The following PRKCA variants were observed in gnomAD, a reference collection of about 807,000 sequenced individuals.
PRKCA encodes protein kinase C alpha type.
A neutral mutation model predicts 87.0 loss-of-function variants in PRKCA; 27 were observed. The ratio of observed to expected loss-of-function variants is 0.31; its 90% CI spans 0.23 to 0.43. The LOEUF is 0.43. PRKCA is among the 20% of genes least tolerant of loss of function. PRKCA has a pLI of 1.00. For missense variants in PRKCA, 518 were observed against 852.3 expected (o/e 0.61, Z 4.88); for synonymous variants, 329 against 311.1 (o/e 1.06, Z -0.61).
At chr17:66,762,987 C>T (rs1035758248) in intron 13 of PRKCA, among the ~76,000 whole-genome samples, 101 of 152,218 alleles carry the variant, frequency 6.6e-4, no homozygotes, top group Admixed American at 1.9e-3. Context: ...GACAGAGTTT[C>T]ACCATGTTGG....
chr17:66,785,145 A>G (rs1975347657), intron 14 of PRKCA, among the ~76,000 whole-genome samples: 1 of 152,044 alleles, frequency 6.6e-6, no homozygotes, highest in African/African-American at 2.4e-5. Context: ...CTCTCTGTAG[A>G]CTTGGCATCT....
At chr17:66,324,447 C>CAAAAAAAA (rs61047065) in intron 2 of PRKCA, among the ~76,000 whole-genome samples, 1 of 90,658 alleles carries the variant, frequency 1.1e-5, no homozygotes, top group African/African-American at 4.3e-5. Flanking sequence ...ACTAAAAATA[C>CAAAAAAAA]AAAAAAAAAA....
At chr17:66,662,713 C>T (rs1388636775) in intron 5 of PRKCA, among the ~76,000 whole-genome samples, 2 of 151,506 alleles carry the variant, frequency 1.3e-5, no homozygotes, top group African/African-American at 2.4e-5. Context: ...GTGAAAATCT[C>T]GTAGGCCTGG....
intron 2 of PRKCA, among the ~76,000 whole-genome samples, chr17:66,452,075 A>T (rs961402742): frequency 1.3e-5 from 2 of 152,194 alleles, no homozygotes; most frequent in Non-Finnish European, 2.9e-5. Flanking sequence ...GAAGCCGTGT[A>T]TGGCCCCTCC....
intron 3 of PRKCA, among the ~76,000 whole-genome samples, chr17:66,500,858 G>A (rs1916695456): frequency 1.3e-5 from 2 of 152,154 alleles, no homozygotes; most frequent in African/African-American, 4.8e-5. Context: ...GGCAGGCTCA[G>A]TGAGGAAGAC....
chr17:66,314,400 C>A (rs1472849216), intron 2 of PRKCA, among the ~76,000 whole-genome samples: 1 of 151,994 alleles, frequency 6.6e-6, no homozygotes, highest in Non-Finnish European at 1.5e-5. Context: ...TAAAAAAACT[C>A]TTTATTAAAT....
Position 66,409,912 on chromosome 17 carries a change from C to T in PRKCA, c.206-86289C>T, listed in dbSNP as rs144243153. On this transcript the variant is annotated intron_variant, in intron 2 of 16. Transcript: ENST00000413366. The stretch of plus-strand genomic sequence containing the variant: ...CAGCCTGGGCGACAGAGTGAGACTC[C>T]GTCTCAAAGAATAAATAAATAAATA... 3.6e-3 allele frequency among the ~76,000 whole-genome samples: 548 copies of T among 152,196 alleles called. 5 individuals are homozygous for T. The highest frequency in any genetic ancestry group is 0.013 in the African/African-American group (520 of 41,528).
intron 5 of PRKCA, among the ~76,000 whole-genome samples, chr17:66,669,979 C>T (rs1219879493): frequency 6.6e-6 from 1 of 152,146 alleles, no homozygotes; most frequent in East Asian, 1.9e-4. Context: ...TATAGGTGAC[C>T]TACAGGAGAA....
intron 2 of PRKCA, among the ~76,000 whole-genome samples, chr17:66,315,374 C>A (rs866617338): frequency 1.3e-5 from 2 of 152,296 alleles, no homozygotes; most frequent in Middle Eastern, 6.8e-3. Flanking sequence ...GCTGTTAAGC[C>A]AGGTGTTCTG....
chr17:66,350,261 C>T (rs41461845), intron 2 of PRKCA, among the ~76,000 whole-genome samples: 1 of 151,894 alleles, frequency 6.6e-6, no homozygotes, highest in Non-Finnish European at 1.5e-5. Context: ...CAATTCTGAT[C>T]TGAGAGGAAG....
At chr17:66,396,623 T>TCC (rs1910681102) in intron 2 of PRKCA, among the ~76,000 whole-genome samples, 1 of 95,368 alleles carries the variant, frequency 1.0e-5, no homozygotes, top group South Asian at 5.3e-4. Context: ...CTGTCATTCA[T>TCC]TCTCTCTCTT....
intron 8 of PRKCA, among the ~76,000 whole-genome samples, chr17:66,731,895 T>C (rs1173600373): frequency 6.9e-6 from 1 of 144,436 alleles, no homozygotes; most frequent in Admixed American, 7.0e-5. Context: ...GTTCAAGCGA[T>C]TCTCCTGCCT....
chr17:66,571,710 C>T (rs961581071), intron 3 of PRKCA, among the ~76,000 whole-genome samples: 19 of 152,132 alleles, frequency 1.2e-4, no homozygotes, highest in African/African-American at 3.6e-4. Flanking sequence ...TTTTGTTTGA[C>T]GGTAGACATA....
intron 2 of PRKCA, among the ~76,000 whole-genome samples, chr17:66,320,488 C>T (rs558185251): frequency 1.3e-5 from 2 of 152,098 alleles, no homozygotes; most frequent in East Asian, 3.9e-4. Flanking sequence ...AAATATGCAT[C>T]TAAACTCTAG....
chr17:66,362,274 T>TG (rs1490849670), intron 2 of PRKCA, among the ~76,000 whole-genome samples: 1 of 152,110 alleles, frequency 6.6e-6, no homozygotes, highest in African/African-American at 2.4e-5. Context: ...AGACCTCAGG[T>TG]GATCCACCCA....
rs7208825 is a variant in PRKCA at position 66,744,472 on chromosome 17, G to A, written c.1524+1712G>A. On this transcript the variant is annotated intron_variant, in intron 13 of 16. Transcript: ENST00000413366. ...GGCAGCTTTTTTAGGAATAAAGGTG[G>A]CATTGAACCTCATCTCTATTAAGAC... Among the ~76,000 whole-genome samples, 847 of 152,248 alleles carry A rather than the reference G, an allele frequency of 5.6e-3. 8 individuals carry two copies. The highest frequency in any genetic ancestry group is 0.017 in the African/African-American group (702 of 41,542).
chr17:66,784,593 C>G (rs1045876334), intron 14 of PRKCA, among the ~76,000 whole-genome samples: 1 of 152,198 alleles, frequency 6.6e-6, no homozygotes, highest in African/African-American at 2.4e-5. Context: ...AAAACTCAGC[C>G]AGGTTTATGG....
chr17:66,763,629 T>C (rs1167440993), intron 13 of PRKCA, among the ~76,000 whole-genome samples: 3 of 152,232 alleles, frequency 2.0e-5, no homozygotes, highest in African/African-American at 7.2e-5. Flanking sequence ...TATTCTTTGT[T>C]TCCCTGAAAC....
intron 8 of PRKCA, among the ~76,000 whole-genome samples, chr17:66,700,352 C>G (rs1267000759): frequency 6.6e-6 from 1 of 152,180 alleles, no homozygotes; most frequent in Non-Finnish European, 1.5e-5. Flanking sequence ...ACATCCTGCT[C>G]TATGGTAAAA....
Sources: allele counts gnomAD v4.1 joint callset (sites outside exome capture counted in the v4.1 genomes callset), GRCh38; gene constraint gnomAD v4.1.1; transcripts MANE v1.5; gene names NCBI Gene and HGNC (gene_info 2026-07-23, HGNC 2026-07-21).